LRRFIP1: variants seen among roughly 807,000 people sequenced by gnomAD.
The protein encoded by LRRFIP1 is leucine-rich repeat flightless-interacting protein 1.
A neutral mutation model predicts 104.4 loss-of-function variants in LRRFIP1; 62 were observed. That is an observed-to-expected ratio of 0.59 (90% CI 0.48 to 0.73). The LOEUF is 0.73. Among genes scored for constraint, LRRFIP1 ranks in the 30% least tolerant of loss-of-function variants. The probability of loss-of-function intolerance (pLI) is 0.00; values close to 1 mark genes in which losing one functional copy is unlikely to be tolerated. For missense variants in LRRFIP1, 796 were observed against 824.5 expected (o/e 0.97, Z 0.42); for synonymous variants, 300 against 299.0 (o/e 1.00, Z -0.03).
intron 19 of LRRFIP1, chr2:237,762,722 A>G: frequency 6.2e-7 from 1 of 1,614,234 alleles, no homozygotes; most frequent in African/African-American, 1.3e-5. Flanking sequence ...CTGTGTGGAC[A>G]TAGAGGTATT....
Position 237,772,896 on chromosome 2 carries a change from A to T in LRRFIP1, c.1658A>T (p.Lys553Ile). 6.2e-7 allele frequency: 1 copy of T among 1,613,972 alleles called. No individual in the cohort carries two copies. The highest frequency in any genetic ancestry group is 2.2e-5 in the East Asian group (1 of 44,890). Residue 553 changes from lysine (K) to isoleucine (I), a missense_variant, in exon 22 of 24, where the codon AAA becomes ATA. By Grantham distance (102) the Lys-to-Ile change is moderately radical (BLOSUM62 -3). Transcript: ENST00000308482. ...GCCAACAGACAGATCAGCGACCTCA[A>T]ATTTAAACTTGCAAAATCTGAGCAA... ...RDANRQISDL[K>I]FKLAKSEQEI...
rs940575147 is a variant in LRRFIP1 at position 237,706,306 on chromosome 2, A to C, written c.97-2238A>C. ...CTTCTGGTGGCCCTTCTTTCCCCCA[A>C]CCCTTTCCTCTTTCTTACATCTCAC... is the stretch of plus-strand genomic sequence containing the variant. On this transcript the variant is annotated intron_variant, in intron 1 of 23. Coordinates refer to ENST00000308482, the MANE Select transcript of LRRFIP1 (RefSeq NM_001137550.2). 2.0e-5 allele frequency among the ~76,000 whole-genome samples: 3 copies of C among 151,476 alleles called. No homozygotes were observed. The South Asian group carries it at 6.3e-4, about 32-fold the overall frequency.
intron 13 of LRRFIP1, among the ~76,000 whole-genome samples, chr2:237,750,131 G>A (rs530242691): frequency 6.6e-5 from 10 of 152,102 alleles, no homozygotes; most frequent in African/African-American, 1.4e-4. Context: ...CTGGATGGCC[G>A]TTTGCCAGGG....
intron 4 of LRRFIP1, among the ~76,000 whole-genome samples, chr2:237,718,435 G>A (rs1465739720): frequency 6.6e-6 from 1 of 152,164 alleles, no homozygotes; most frequent in Non-Finnish European, 1.5e-5. Context: ...TGGATGGAGA[G>A]CTAGCCTGCC....
chr2:237,716,402 C>G (rs1049127137), intron 3 of LRRFIP1, among the ~76,000 whole-genome samples: 1 of 152,120 alleles, frequency 6.6e-6, no homozygotes, highest in African/African-American at 2.4e-5. Context: ...TTTTTGTACT[C>G]ATGTCCTTTT....
At chr2:237,633,629 A>G (rs2082703467) in intron 1 of LRRFIP1, among the ~76,000 whole-genome samples, 1 of 152,036 alleles carries the variant, frequency 6.6e-6, no homozygotes, top group Non-Finnish European at 1.5e-5. Flanking sequence ...GGTTGCTTCT[A>G]AGACCCAAGG....
intron 8 of LRRFIP1, among the ~76,000 whole-genome samples, chr2:237,732,365 G>C (rs1297624510): frequency 6.6e-6 from 1 of 152,210 alleles, no homozygotes; most frequent in African/African-American, 2.4e-5. Flanking sequence ...GCTTGCCGGT[G>C]GTGGCCTGGC....
Position 237,750,552 on chromosome 2 carries a change from G to T in LRRFIP1, c.796-648G>T, listed in dbSNP as rs375974895. Among the ~76,000 whole-genome samples, 23 of 152,098 alleles carry T rather than the reference G, an allele frequency of 1.5e-4. No homozygotes were observed. The East Asian group carries it at 4.5e-3, about 29-fold the overall frequency. On this transcript the variant is annotated intron_variant, in intron 13 of 23. Coordinates refer to ENST00000308482, the MANE Select transcript of LRRFIP1 (RefSeq NM_001137550.2). ...GGGTTTCGCCATGTTGGCCAGGCTG[G>T]TCTTGAACTCCTGACCTCAGGTGAT... is the stretch of plus-strand genomic sequence containing the variant.
At chr2:237,663,374 G>A (rs2088444154) in intron 1 of LRRFIP1, among the ~76,000 whole-genome samples, 1 of 152,160 alleles carries the variant, frequency 6.6e-6, no homozygotes, top group Admixed American at 6.5e-5. Flanking sequence ...AGGTGATTAG[G>A]GCATGAGAGT....
At chr2:237,718,861 A>G (rs919273732) in intron 4 of LRRFIP1, among the ~76,000 whole-genome samples, 1 of 152,264 alleles carries the variant, frequency 6.6e-6, no homozygotes, top group Admixed American at 6.5e-5. Context: ...TTAGGCTTAC[A>G]TGACATAAAT....
At chr2:237,744,780 A>G (rs1303276707) in intron 11 of LRRFIP1, among the ~76,000 whole-genome samples, 2 of 152,254 alleles carry the variant, frequency 1.3e-5, no homozygotes, top group Non-Finnish European at 2.9e-5. Context: ...TCAGAATACG[A>G]GAGTCATGAA....
intron 14 of LRRFIP1, among the ~76,000 whole-genome samples, chr2:237,752,446 G>A (rs1272685440): frequency 2.6e-5 from 4 of 152,180 alleles, no homozygotes; most frequent in Admixed American, 1.3e-4. Flanking sequence ...TGAACCAACC[G>A]GAGACCCGCT....
chr2:237,705,808 G>A (rs1396282021), intron 1 of LRRFIP1, among the ~76,000 whole-genome samples: 11 of 152,196 alleles, frequency 7.2e-5, no homozygotes, highest in African/African-American at 2.7e-4. Flanking sequence ...GAAGAATTCA[G>A]TTCCTTGTGG....
intron 1 of LRRFIP1, among the ~76,000 whole-genome samples, chr2:237,628,994 C>T (rs1239824635): frequency 6.6e-6 from 1 of 152,228 alleles, no homozygotes; most frequent in Non-Finnish European, 1.5e-5. Context: ...TCAGCCCTCT[C>T]ACATCGCACC....
chr2:237,734,219 A>C (rs945619624), intron 9 of LRRFIP1, among the ~76,000 whole-genome samples: 1 of 149,682 alleles, frequency 6.7e-6, no homozygotes, highest in Non-Finnish European at 1.5e-5. Flanking sequence ...TACTTATGCT[A>C]TGCAAGAAAC....
At chr2:237,685,376 A>G (rs2092287757) in intron 1 of LRRFIP1, among the ~76,000 whole-genome samples, 1 of 152,254 alleles carries the variant, frequency 6.6e-6, no homozygotes, top group African/African-American at 2.4e-5. Context: ...AGTATGCCTC[A>G]GAGTGTATCA....
At chr2:237,764,962 C>A in intron 19 of LRRFIP1, 1 of 985,390 alleles carries the variant, frequency 1.0e-6, no homozygotes, top group Non-Finnish European at 1.2e-6. Context: ...CAGGGACAGT[C>A]ATTTTTTAAA....
At chr2:237,709,839 AATATGT>A (rs1002637567) in intron 2 of LRRFIP1, among the ~76,000 whole-genome samples, 2 of 152,098 alleles carry the variant, frequency 1.3e-5, no homozygotes, top group African/African-American at 4.8e-5. Flanking sequence ...CTGGTTTTTA[AATATGT>A]ATATGTATAA....
intron 1 of LRRFIP1, among the ~76,000 whole-genome samples, chr2:237,688,789 C>G (rs2092573914): frequency 1.3e-5 from 2 of 152,040 alleles, no homozygotes; most frequent in South Asian, 4.2e-4. Flanking sequence ...GGAAACCCCC[C>G]ACCCCCCTGC....
Sources: allele counts gnomAD v4.1 joint callset (sites outside exome capture counted in the v4.1 genomes callset), GRCh38; gene constraint gnomAD v4.1.1; transcripts MANE v1.5; gene names NCBI Gene and HGNC (gene_info 2026-07-23, HGNC 2026-07-21).